ANKRD29: variants seen among roughly 807,000 people sequenced by gnomAD.
The protein encoded by ANKRD29 is ankyrin repeat domain-containing protein 29.
In ANKRD29, 32 loss-of-function variants were observed where a neutral mutation model predicts 38.0. That is an observed-to-expected ratio of 0.84 (90% CI 0.64 to 1.13). ANKRD29 has a LOEUF of 1.13. Ranked by LOEUF, ANKRD29 falls within the 50% of genes most tolerant of loss-of-function variation. ANKRD29 has a pLI of 0.00. For synonymous variants in ANKRD29, 135 were observed against 152.4 expected (o/e 0.89, Z 0.84); for missense variants, 357 against 377.9 (o/e 0.94, Z 0.46).
At chr18:23,654,434 A>G (rs987198981) in intron 1 of ANKRD29, among the ~76,000 whole-genome samples, 1 of 151,854 alleles carries the variant, frequency 6.6e-6, no homozygotes, top group Non-Finnish European at 1.5e-5. Flanking sequence ...AGTCTGGCCA[A>G]CAACGTGAAA....
chr18:23,619,722 AACTCCGGGAAGGC>A, intron 6 of ANKRD29, 93 bp from the exon 7 acceptor site: 2 of 1,100,240 alleles, frequency 1.8e-6, no homozygotes, highest in Non-Finnish European at 2.5e-6. Context: ...TGAAAGCGAA[AACTCCGGGAAGGC>A]ACTCCCTGAC....
At chr18:23,616,840 A>T (rs996462585) in intron 8 of ANKRD29, among the ~76,000 whole-genome samples, 1 of 149,456 alleles carries the variant, frequency 6.7e-6, no homozygotes, top group African/African-American at 2.4e-5. Flanking sequence ...AGTAAACAGA[A>T]ATACTAATAT....
chr18:23,628,036 A>G (rs1001528549), intron 6 of ANKRD29, among the ~76,000 whole-genome samples: 8 of 152,238 alleles, frequency 5.3e-5, no homozygotes, highest in Non-Finnish European at 7.3e-5. Context: ...ATTGATTACA[A>G]TGTCTGGCAC....
At chr18:23,634,291 T>G (rs1157308507) in intron 4 of ANKRD29, 142 bp from the exon 5 acceptor site, 12 of 145,376 alleles carry the variant, frequency 8.3e-5, no homozygotes, top group Non-Finnish European at 1.4e-4. Context: ...TTTTTTTTTT[T>G]TTTTTTTTTT....
intron 9 of ANKRD29, among the ~76,000 whole-genome samples, chr18:23,606,888 T>G (rs567315670): frequency 1.3e-5 from 2 of 152,238 alleles, no homozygotes; most frequent in South Asian, 4.1e-4. Context: ...TTCTGGGAAT[T>G]TCAGGGGAGG....
chr18:23,628,443 AC>A (rs1410933514), intron 6 of ANKRD29, among the ~76,000 whole-genome samples: 4 of 152,192 alleles, frequency 2.6e-5, no homozygotes, highest in African/African-American at 9.6e-5. Context: ...AGGTCATAGT[AC>A]AGTGGAGATG....
intron 6 of ANKRD29, among the ~76,000 whole-genome samples, chr18:23,620,792 A>G: frequency 6.6e-6 from 1 of 152,212 alleles, no homozygotes; most frequent in East Asian, 1.9e-4. Flanking sequence ...GTGGTCCCCC[A>G]GTCCCCATGG....
chr18:23,603,736 T>C (rs1208101357), intron 9 of ANKRD29, among the ~76,000 whole-genome samples: 1 of 152,144 alleles, frequency 6.6e-6, no homozygotes, highest in East Asian at 1.9e-4. Context: ...CAAGTAAAAA[T>C]AGTGATCTAT....
chr18:23,602,162 G>A (rs755366138), intron 9 of ANKRD29, among the ~76,000 whole-genome samples: 24 of 151,870 alleles, frequency 1.6e-4, no homozygotes, highest in Non-Finnish European at 3.1e-4. Context: ...TCAGCCTCCC[G>A]AGTGGCTGGG....
intron 4 of ANKRD29, among the ~76,000 whole-genome samples, chr18:23,637,067 T>C (rs1415153681): frequency 6.6e-6 from 1 of 152,214 alleles, no homozygotes. Context: ...CCATGTTCCA[T>C]GGATTTCTGA....
At chr18:23,624,487 A>AAAAAAAAAAAAAAAAAAAAAG in intron 6 of ANKRD29, among the ~76,000 whole-genome samples, 1 of 144,010 alleles carries the variant, frequency 6.9e-6, no homozygotes, top group African/African-American at 2.5e-5. Flanking sequence ...AAAAAAAAAA[A>AAAAAAAAAAAAAAAAAAAAAG]AAAAAAAAAA....
intron 3 of ANKRD29, among the ~76,000 whole-genome samples, chr18:23,640,768 C>T (rs1472370706): frequency 1.3e-5 from 2 of 152,182 alleles, no homozygotes; most frequent in African/African-American, 4.8e-5. Context: ...GTACTCTTCA[C>T]TTCTGAGCTT....
At chr18:23,654,968 C>A (rs999514484) in intron 1 of ANKRD29, among the ~76,000 whole-genome samples, 20 of 152,052 alleles carry the variant, frequency 1.3e-4, no homozygotes, top group African/African-American at 4.8e-4. Context: ...TTAATTCAAT[C>A]AAGAGAATAT....
intron 8 of ANKRD29, among the ~76,000 whole-genome samples, chr18:23,615,043 G>T (rs1196323412): frequency 6.6e-6 from 1 of 152,116 alleles, no homozygotes; most frequent in Non-Finnish European, 1.5e-5. Context: ...TTTTGCAGAG[G>T]CAGGGTTTCA....
intron 1 of ANKRD29, among the ~76,000 whole-genome samples, chr18:23,661,266 C>G (rs2060356697): frequency 1.3e-5 from 2 of 152,200 alleles, no homozygotes; most frequent in African/African-American, 4.8e-5. Flanking sequence ...TAGCTGCTGC[C>G]CAGACTTGCC....
At chr18:23,619,102 G>A (rs1390704585) in intron 7 of ANKRD29, among the ~76,000 whole-genome samples, 2 of 152,240 alleles carry the variant, frequency 1.3e-5, no homozygotes, top group African/African-American at 2.4e-5. Flanking sequence ...CACCAGCAGA[G>A]GCCAGTGGAT....
chr18:23,637,224 AT>A (rs1188897216), intron 4 of ANKRD29, among the ~76,000 whole-genome samples: 1 of 152,184 alleles, frequency 6.6e-6, no homozygotes, highest in Non-Finnish European at 1.5e-5. Context: ...TTTACTTTCT[AT>A]TTTTAGTTAT....
At chr18:23,627,836 AG>A (rs2059881089) in intron 6 of ANKRD29, among the ~76,000 whole-genome samples, 1 of 152,220 alleles carries the variant, frequency 6.6e-6, no homozygotes, top group African/African-American at 2.4e-5. Flanking sequence ...CATCTGATTC[AG>A]AATCAATCAA....
chr18:23,633,802 C>A (rs2059964284), intron 5 of ANKRD29, among the ~76,000 whole-genome samples: 1 of 152,114 alleles, frequency 6.6e-6, no homozygotes, highest in Non-Finnish European at 1.5e-5. Flanking sequence ...AACTCCTGAC[C>A]TTGTGATCCA....
Sources: gnomAD v4.1 joint callset for allele counts (sites outside exome capture counted in the v4.1 genomes callset) on GRCh38, gnomAD v4.1.1 for gene constraint, MANE v1.5 for transcripts, NCBI Gene and HGNC (gene_info 2026-07-23, HGNC 2026-07-21) for gene names.